Variants in PLEKHG1 observed in about 807,000 individuals in gnomAD.
PLEKHG1 encodes the protein pleckstrin homology and RhoGEF domain containing G1.
A neutral mutation model predicts 100.8 loss-of-function variants in PLEKHG1; 44 were observed. The ratio of observed to expected loss-of-function variants is 0.44; its 90% CI spans 0.34 to 0.56. PLEKHG1 has a LOEUF of 0.56. Among genes scored for constraint, PLEKHG1 ranks in the 20% least tolerant of loss-of-function variants. The pLI is 0.01. For synonymous variants in PLEKHG1, 640 were observed against 662.5 expected, an observed-to-expected ratio of 0.97 and a Z score of 0.52; for missense variants, 1,545 against 1,720.9, an observed-to-expected ratio of 0.90 and a Z score of 1.81.
intron 5 of PLEKHG1, among the ~76,000 whole-genome samples, chr6:150,796,458 G>C (rs915651483): frequency 1.2e-4 from 18 of 152,196 alleles, no homozygotes; most frequent in African/African-American, 4.3e-4. Flanking sequence ...CACAAGGGCA[G>C]TGTAGGAAGC....
intron 3 of PLEKHG1, among the ~76,000 whole-genome samples, chr6:150,679,499 A>T (rs535470982): frequency 2.0e-5 from 3 of 152,346 alleles, no homozygotes; most frequent in East Asian, 3.9e-4. Flanking sequence ...CATGGGAATG[A>T]GTTCATAATT....
At chr6:150,806,223 C>CT (rs58040509) in intron 7 of PLEKHG1, among the ~76,000 whole-genome samples, 18,754 of 89,404 alleles carry the variant, frequency 0.21, 2,752 homozygotes, top group Middle Eastern at 0.26. Flanking sequence ...TTCCAGGCTG[C>CT]TTTTTTTTTT....
chr6:150,822,177 A>AAAAC (rs1278144184), intron 13 of PLEKHG1, among the ~76,000 whole-genome samples: 1 of 124,390 alleles, frequency 8.0e-6, no homozygotes, highest in African/African-American at 2.8e-5. Flanking sequence ...AAAAAAAAAA[A>AAAAC]AGAATAGGGC....
At chr6:150,781,066 G>T (rs1002157476) in intron 3 of PLEKHG1, among the ~76,000 whole-genome samples, 7 of 151,486 alleles carry the variant, frequency 4.6e-5, no homozygotes, top group African/African-American at 1.7e-4. Context: ...ATAGAGAAGG[G>T]GTGTCACCCT....
chr6:150,730,333 TG>T, intron 1 of PLEKHG1, among the ~76,000 whole-genome samples: 1 of 8,464 alleles, frequency 1.2e-4, no homozygotes, highest in Non-Finnish European at 2.3e-4. Flanking sequence ...GTTGAGGTGG[TG>T]GGGGTGTGGG....
intron 3 of PLEKHG1, among the ~76,000 whole-genome samples, chr6:150,657,557 C>G (rs748228735): frequency 1.3e-5 from 2 of 152,140 alleles, no homozygotes; most frequent in African/African-American, 2.4e-5. Context: ...CTTTAGAGCT[C>G]TCATTGTATT....
At chr6:150,678,040 G>A (rs1352331956) in intron 3 of PLEKHG1, among the ~76,000 whole-genome samples, 5 of 115,058 alleles carry the variant, frequency 4.3e-5, no homozygotes, top group African/African-American at 1.6e-4. Context: ...TATATTTATG[G>A]GATACAATGT....
intron 13 of PLEKHG1, among the ~76,000 whole-genome samples, chr6:150,821,734 A>G (rs1239594162): frequency 6.6e-6 from 1 of 152,074 alleles, no homozygotes; most frequent in Non-Finnish European, 1.5e-5. Flanking sequence ...CAAATGACAT[A>G]AAATACTTGT....
intron 3 of PLEKHG1, among the ~76,000 whole-genome samples, chr6:150,782,589 C>A (rs923287562): frequency 1.1e-4 from 16 of 152,046 alleles, no homozygotes; most frequent in African/African-American, 3.9e-4. Context: ...TATCTGTGTG[C>A]GACTGGATTT....
intron 1 of PLEKHG1, among the ~76,000 whole-genome samples, chr6:150,631,501 G>A (rs1207560357): frequency 6.6e-6 from 1 of 152,300 alleles, no homozygotes. Context: ...TAGTGGAGTC[G>A]GACAGAGTCT....
intron 3 of PLEKHG1, among the ~76,000 whole-genome samples, chr6:150,674,446 A>G (rs1429571347): frequency 6.6e-6 from 1 of 152,134 alleles, no homozygotes; most frequent in East Asian, 1.9e-4. Context: ...CTGAGAATTA[A>G]CCTGCAATCA....
At chr6:150,624,545 C>T (rs888526178) in intron 1 of PLEKHG1, 1 of 152,192 alleles carries the variant, frequency 6.6e-6, no homozygotes. Flanking sequence ...TGATTATCAT[C>T]GTGATGGCTC....
chr6:150,768,693 G>T, exon 3 of PLEKHG1: 2 of 1,612,668 alleles, frequency 1.2e-6, no homozygotes, highest in Non-Finnish European at 1.7e-6. Context: ...ACCGAAGAAA[G>T]ATCAGCCCTT....
At chr6:150,730,079 G>C (rs930379793) in intron 1 of PLEKHG1, among the ~76,000 whole-genome samples, 1 of 152,142 alleles carries the variant, frequency 6.6e-6, no homozygotes, top group African/African-American at 2.4e-5. Context: ...GTGTCTCTCT[G>C]TTGTGTCCAT....
At position 150,747,135 on chromosome 6, in the gene PLEKHG1, T is replaced by A. The variant is rs76071724; in HGVS notation, c.411+13043T>A. Among the ~76,000 whole-genome samples, 309 of 152,370 alleles carry A rather than the reference T, an allele frequency of 2.0e-3. 10 individuals are homozygous for A. In the East Asian group the frequency reaches 0.049, roughly 24 times the overall value. On this transcript the variant is annotated intron_variant, in intron 2 of 15. Transcript: ENST00000358517. ...GTCTTGTTCGGTTGGGTTAGAATCA[T>A]GCTGCATTTTAAGTGTGTGCCATCT...
At chr6:150,763,989 T>A (rs1025525844) in intron 2 of PLEKHG1, among the ~76,000 whole-genome samples, 5 of 152,090 alleles carry the variant, frequency 3.3e-5, no homozygotes, top group African/African-American at 9.7e-5. Flanking sequence ...ATTCTCCACA[T>A]CCCATTAAAT....
At chr6:150,795,395 CA>C (rs34535873) in intron 4 of PLEKHG1, among the ~76,000 whole-genome samples, 64 of 143,430 alleles carry the variant, frequency 4.5e-4, no homozygotes, top group Admixed American at 1.3e-3. Context: ...GATTCCATCT[CA>C]AAAAAAAAAA....
intron 2 of PLEKHG1, among the ~76,000 whole-genome samples, chr6:150,643,310 C>T (rs1190649638): frequency 6.6e-6 from 1 of 152,154 alleles, no homozygotes; most frequent in African/African-American, 2.4e-5. Context: ...AGCTCACAGT[C>T]AACTTACCAT....
At chr6:150,696,767 G>A (rs9372087) in intron 3 of PLEKHG1, among the ~76,000 whole-genome samples, 55,846 of 152,050 alleles carry the variant, frequency 0.37, 10,788 homozygotes, top group Middle Eastern at 0.45. Context: ...AAGTATTCCC[G>A]TGTGCATGAG....
Sources: allele counts gnomAD v4.1 joint callset (sites outside exome capture counted in the v4.1 genomes callset), GRCh38; gene constraint gnomAD v4.1.1; transcripts MANE v1.5; gene names NCBI Gene and HGNC (gene_info 2026-07-23, HGNC 2026-07-21).